The following GGA2 variants were observed in gnomAD, a reference collection of about 807,000 sequenced individuals.
The protein encoded by GGA2 is ADP-ribosylation factor-binding protein GGA2.
GGA2 carries 48 observed loss-of-function variants against 79.5 expected under a neutral mutation model. The observed-to-expected ratio is 0.60, with a 90% CI of 0.48 to 0.77. The LOEUF (loss-of-function observed/expected upper bound fraction) is 0.77, where lower values mean the gene tolerates loss of function less well. GGA2 is among the 30% of genes least tolerant of loss of function. The pLI, the probability that GGA2 is intolerant of heterozygous loss-of-function variation, is 0.00. For synonymous variants in GGA2, 317 were observed against 302.0 expected (o/e 1.05, Z -0.51); for missense variants, 770 against 774.0 (o/e 0.99, Z 0.06).
chr16:23,494,357 T>C lies in GGA2; in HGVS notation c.198A>G (p.Leu66=), dbSNP rs773687384. 6.2e-6 allele frequency: 10 copies of C among 1,612,652 alleles called. No individual in the cohort carries two copies. Among genetic ancestry groups the C allele is most frequent in the African/African-American group, 4.0e-5 (3 of 74,904 alleles). Residue 66 remains leucine, a synonymous_variant, in exon 3 of 17, where the codon CTA becomes CTG. Transcript: ENST00000309859. ...GCGGAGACTGGATCTTGTGGGCCAG[T>C]AGCCAGGGCGCATGTGTGGGGCTAC... is the stretch of plus-strand genomic sequence containing the variant. ...DPNGPTHAPW[L]LAHKIQSPQE... is the part of the protein sequence containing the mutation.
At position 23,491,781 on chromosome 16, in the gene GGA2, G is replaced by A; in HGVS notation, c.371C>T (p.Thr124Ile). 1 of 1,611,898 alleles carries A rather than the reference G, an allele frequency of 6.2e-7. No homozygotes were observed. The highest frequency in any genetic ancestry group is 8.5e-7 in the Non-Finnish European group (1 of 1,178,116). Residue 124 changes from threonine to isoleucine, a missense_variant, in exon 5 of 17, where the codon ACA (threonine) becomes ATA (isoleucine). By Grantham distance (89) the Thr-to-Ile change is moderately conservative. Transcript: ENST00000309859. ...LSPKYLGSWATGKVKGRVIEI... is the reference protein window; with the variant it reads ...LSPKYLGSWAIGKVKGRVIEI... Reference sequence around the variant, plus strand: ...AATGACTCTTCCTTTAACTTTTCCTGTGGCCCAGGACCCCAGGTACTGAAA... The same window carrying A: ...AATGACTCTTCCTTTAACTTTTCCTATGGCCCAGGACCCCAGGTACTGAAA...
At chr16:23,511,969 T>C (rs1320494172), upstream of GGA2, among the ~76,000 whole-genome samples, 4 of 27,190 alleles carry the variant, frequency 1.5e-4, no homozygotes, top group African/African-American at 3.9e-4. Context: ...TTATTTTGCA[T>C]TGGTATCAAC....
At chr16:23,517,036 T>G (rs1332095160) in intron 2 of GGA2, among the ~76,000 whole-genome samples, 2 of 152,164 alleles carry the variant, frequency 1.3e-5, no homozygotes, top group Non-Finnish European at 1.5e-5. Context: ...CAGCCCACCT[T>G]ACCAATGAAC....
At chr16:23,513,982 A>T (rs1193264430), upstream of GGA2, among the ~76,000 whole-genome samples, 1 of 152,048 alleles carries the variant, frequency 6.6e-6, no homozygotes, top group African/African-American at 2.4e-5. Flanking sequence ...AGTCTAATAG[A>T]TCACTCATAC....
Position 23,478,389 on chromosome 16 carries a change from G to GGCT in GGA2, c.1270_1271insAGC (p.Ala424delinsGluPro), listed in dbSNP as rs1049720700. ...TCACAGAGGGCACGGAGCTGGCTGT[G>GGCT]CTGAGAGGAGGTCCAGCAAATTCCT... On this transcript the variant is annotated protein_altering_variant, in exon 13 of 17. Coordinates refer to ENST00000309859, the MANE Select transcript of GGA2 (RefSeq NM_015044.4). The GGCT allele has an allele frequency of 1.0e-5, 16 of 1,606,546 alleles. No homozygotes were observed. The highest frequency in any genetic ancestry group is 2.7e-5 in the African/African-American group (2 of 74,774).
intron 1 of GGA2, among the ~76,000 whole-genome samples, chr16:23,508,061 T>A (rs1964992909): frequency 6.7e-6 from 1 of 150,224 alleles, no homozygotes; most frequent in African/African-American, 2.5e-5. Flanking sequence ...TTACTCCGGC[T>A]ACTTTTTTTT....
intron 1 of GGA2, among the ~76,000 whole-genome samples, chr16:23,497,137 A>G (rs1044500130): frequency 1.3e-5 from 2 of 150,062 alleles, no homozygotes; most frequent in Non-Finnish European, 3.0e-5. Context: ...CACCCTTCCA[A>G]CTCCCCTCTG....
Position 23,510,258 on chromosome 16 carries a change from G to A in GGA2, c.91+63C>T, listed in dbSNP as rs542519096. 161 of 1,101,122 alleles carry A rather than the reference G, an allele frequency of 1.5e-4. 2 individuals carry two copies. Among genetic ancestry groups the A allele is most frequent in the Middle Eastern group, 1.1e-3 (4 of 3,508 alleles). 68.2% of individuals were successfully genotyped at this position (1,101,122 alleles called of 1,614,324 possible). On this transcript the variant is annotated intron_variant, in intron 1 of 16. Transcript: ENST00000309859. Reference sequence around the variant, plus strand: ...CCCGCCCCGAAGCAAGGCCCCGGGAGGCGGGAAGCGAGGCCTCACGTGCGG... The same window carrying A: ...CCCGCCCCGAAGCAAGGCCCCGGGAAGCGGGAAGCGAGGCCTCACGTGCGG...
chr16:23,494,580 G>T (rs532305974), intron 2 of GGA2, among the ~76,000 whole-genome samples: 5 of 152,142 alleles, frequency 3.3e-5, no homozygotes, highest in African/African-American at 9.7e-5. Flanking sequence ...AGCACCCAAG[G>T]TCCTCCTCCT....
At chr16:23,493,935 C>A in intron 3 of GGA2, 1 of 312,614 alleles carries the variant, frequency 3.2e-6, no homozygotes, top group Non-Finnish European at 6.0e-6. Flanking sequence ...TATACAAAGA[C>A]CTAAACTAGC....
chr16:23,468,878 G>C lies in GGA2; in HGVS notation c.1731+8C>G, dbSNP rs747526759. 1.3e-6 allele frequency: 2 copies of C among 1,551,032 alleles called. No homozygotes were observed. The highest frequency in any genetic ancestry group is 1.7e-5 in the Admixed American group (1 of 59,908). ...CATCTCCCTGCTACCACAGACACTG[G>C]AACATACTTTGTGTGGATTGTCAAG... On this transcript the variant is annotated splice_region_variant and intron_variant, in intron 16 of 16. Coordinates refer to ENST00000309859, the MANE Select transcript of GGA2 (RefSeq NM_015044.4).
At chr16:23,492,853 C>T (rs1596989107) in intron 4 of GGA2, among the ~76,000 whole-genome samples, 2 of 152,122 alleles carry the variant, frequency 1.3e-5, no homozygotes, top group African/African-American at 2.4e-5. Context: ...GCCCTCACTG[C>T]GTGGGGTCCG....
chr16:23,493,022 C>A (rs552380604), intron 4 of GGA2, among the ~76,000 whole-genome samples: 92 of 152,280 alleles, frequency 6.0e-4, no homozygotes, highest in South Asian at 1.7e-3. Context: ...GTACAGAGGA[C>A]AAGGCAGGAG....
At chr16:23,508,921 G>T (rs186851334) in intron 1 of GGA2, among the ~76,000 whole-genome samples, 3 of 152,148 alleles carry the variant, frequency 2.0e-5, no homozygotes, top group Non-Finnish European at 4.4e-5. Flanking sequence ...ATCTAGCCTA[G>T]ATTTCTCCTT....
At chr16:23,505,163 T>G (rs1484248742) in intron 1 of GGA2, among the ~76,000 whole-genome samples, 2 of 152,176 alleles carry the variant, frequency 1.3e-5, no homozygotes, top group Non-Finnish European at 2.9e-5. Context: ...AATCATACAA[T>G]TCAGCACATG....
chr16:23,519,634 G>C, exon 2 of GGA2: 1 of 420,030 alleles, frequency 2.4e-6, no homozygotes, highest in Non-Finnish European at 4.8e-6. Context: ...TAAAGAGAAA[G>C]GCAGCCTGCA....
In GGA2 at chr16:23,507,232, T is replaced by C. The variant is rs769473951; in HGVS notation, c.91+3089A>G. On this transcript the variant is annotated intron_variant, in intron 1 of 16. Coordinates refer to ENST00000309859, the MANE Select transcript of GGA2 (RefSeq NM_015044.4). ...ACCCACGATATTTCACTTAAGAATA[T>C]AGGTTCTAGCCGTTCCTGAAAAACA... Among the ~76,000 whole-genome samples the C allele has an allele frequency of 9.2e-5, 14 of 152,298 alleles. No homozygotes were observed. The East Asian group carries it at 1.3e-3, about 15-fold the overall frequency.
In GGA2 at chr16:23,467,400, AC is replaced by A. The variant is rs1211435555; in HGVS notation, c.*189del. The A allele has an allele frequency of 1.3e-4, 70 of 540,106 alleles. No individual in the cohort carries two copies. Among genetic ancestry groups the A allele is most frequent in the Non-Finnish European group, 2.0e-4 (59 of 299,704 alleles). The allele number at this position is 540,106 out of a possible 1,614,324, so 33.5% of individuals were successfully genotyped here. ...ACCCTCTCCCCGAACACACACACAC[AC>A]ACACACACACACACACACACACACA... On this transcript the variant is annotated 3_prime_UTR_variant, in exon 17 of 17. Transcript: ENST00000309859.
chr16:23,514,420 A>T (rs570235292), upstream of GGA2, among the ~76,000 whole-genome samples: 10 of 148,010 alleles, frequency 6.8e-5, no homozygotes, highest in South Asian at 2.1e-3. Context: ...TAAAACTTTA[A>T]TTAAATAAAT....
Sources: allele counts gnomAD v4.1 joint callset (sites outside exome capture counted in the v4.1 genomes callset), GRCh38; gene constraint gnomAD v4.1.1; transcripts MANE v1.5; gene names NCBI Gene and HGNC (gene_info 2026-07-23, HGNC 2026-07-21).